Variants in STMN1 observed in about 807,000 individuals in gnomAD.
The protein encoded by STMN1 is stathmin 1, also known as stathmin.
In STMN1, 3 loss-of-function variants were observed where a neutral mutation model predicts 19.7. The observed-to-expected ratio is 0.15, with a 90% CI of 0.07 to 0.39. The LOEUF (loss-of-function observed/expected upper bound fraction) is 0.39, where lower values mean the gene tolerates loss of function less well. STMN1 is among the 10% of genes least tolerant of loss of function. The pLI is 1.00. For missense variants in STMN1, 99 were observed against 176.0 expected, an observed-to-expected ratio of 0.56 and a Z score of 2.48; for synonymous variants, 59 against 58.9, an observed-to-expected ratio of 1.00 and a Z score of -0.01.
chr1:25,901,266 C>A lies in STMN1; in HGVS notation c.379-179G>T, dbSNP rs564519487. On this transcript the variant is annotated intron_variant, in intron 4 of 4. Transcript: ENST00000455785. ...ACATCATCATCAAATCTCCTGGGTC[C>A]CTTGTAGAACCTAACAAGCTGCCTA... 4 of 1,242,142 alleles carry A rather than the reference C, an allele frequency of 3.2e-6. No individual in the cohort carries two copies. The East Asian group carries it at 1.0e-4, about 32-fold the overall frequency. The allele number at this position is 1,242,142 out of a possible 1,614,324, so 76.9% of individuals were successfully genotyped here.
intron 4 of STMN1, chr1:25,886,015 C>T: frequency 8.5e-7 from 1 of 1,181,632 alleles, no homozygotes; most frequent in South Asian, 2.0e-5. Context: ...AAAATACTGA[C>T]ACCTGGCCCC....
At chr1:25,904,764 A>T in intron 1 of STMN1, 26 bp from the exon 2 acceptor site, 1 of 1,582,256 alleles carries the variant, frequency 6.3e-7, no homozygotes, top group Non-Finnish European at 8.6e-7. Context: ...AAAAACATGC[A>T]ATCACTTTCT....
At chr1:25,886,278 G>GA (rs1392265440) in intron 4 of STMN1, among the ~76,000 whole-genome samples, 1 of 151,898 alleles carries the variant, frequency 6.6e-6, no homozygotes, top group Non-Finnish European at 1.5e-5. Context: ...GGAATGGAAG[G>GA]AAAAAAAGAA....
downstream of STMN1, among the ~76,000 whole-genome samples, chr1:25,896,710 C>A (rs914516742): frequency 2.0e-5 from 3 of 152,178 alleles, no homozygotes; most frequent in South Asian, 6.2e-4. Context: ...AGTGCATGTA[C>A]GAAACAAGTC....
rs1481952065 is a variant in STMN1, at chr1:25,900,713, C to G, written c.*303G>C. The G allele has an allele frequency of 9.0e-7, 1 of 1,113,096 alleles. No individual in the cohort carries two copies. The highest frequency in any genetic ancestry group is 1.6e-5 in the African/African-American group (1 of 61,252). The allele number at this position is 1,113,096 out of a possible 1,614,324, so 69.0% of individuals were successfully genotyped here. ...CATACTCTTTTCACAAATATGTTTT[C>G]ACAGAGCCAATACAGTACTAGCCAT... On this transcript the variant is annotated 3_prime_UTR_variant, in exon 5 of 5. Coordinates refer to ENST00000455785, the MANE Select transcript of STMN1 (RefSeq NM_005563.4).
rs2048872922 is a variant in STMN1 at position 25,901,437 on chromosome 1, C to T, written c.378+54G>A. ...TATCAAAGCACTTAGTTCAAGCCAA[C>T]TCATTGGTGCATCAAACTCCAAGCT... On this transcript the variant is annotated intron_variant, in intron 4 of 4. Transcript: ENST00000455785. 6 of 1,546,698 alleles carry T rather than the reference C, an allele frequency of 3.9e-6. No homozygotes were observed. In the Admixed American group the frequency reaches 6.2e-5, roughly 16 times the overall value.
intron 4 of STMN1, 28 bp from the exon 5 acceptor site, chr1:25,901,115 GTCA>G: frequency 3.6e-6 from 3 of 836,188 alleles, no homozygotes; most frequent in South Asian, 2.5e-5. Context: ...GGTGTCATCA[GTCA>G]AAAAAAAAAA....
At chr1:25,898,376 C>T (rs535153555), downstream of STMN1, among the ~76,000 whole-genome samples, 11 of 152,354 alleles carry the variant, frequency 7.2e-5, no homozygotes, top group South Asian at 2.3e-3. Flanking sequence ...TCACTCCTTT[C>T]ACCAAAGCAC....
At chr1:25,889,064 C>T (rs1458621674) in intron 4 of STMN1, 2 of 490,994 alleles carry the variant, frequency 4.1e-6, no homozygotes, top group African/African-American at 2.0e-5. Flanking sequence ...AAATCAGGTA[C>T]AACTCCAAAA....
rs2048875286 is a variant in STMN1 at position 25,901,603 on chromosome 1, T to C, written c.266A>G (p.Glu89Gly). The change falls in exon 4 of 5, where the codon GAG becomes GGG. Residue 89 changes from glutamate to glycine, a missense_variant. Physicochemically the swap from Glu to Gly is moderately conservative, Grantham distance 98. This residue lies in a region of STMN1 where 54 missense variants were observed against 79.4 expected (regional missense o/e 0.68). Coordinates refer to ENST00000455785, the MANE Select transcript of STMN1 (RefSeq NM_005563.4). ...TGCCATTTTACTGAAGTTGTTGTTC[T>C]CTTCTATTGCCTTCTGAAGCACTTC... is the stretch of plus-strand genomic sequence containing the variant. ...EKEVLQKAIE[E>G]NNNFSKMAEE... The C allele has an allele frequency of 6.2e-7, 1 of 1,614,206 alleles. No homozygotes were observed. Among genetic ancestry groups the C allele is most frequent in the Non-Finnish European group, 8.5e-7 (1 of 1,180,022 alleles).
In STMN1 at chr1:25,894,829, C is replaced by T. The variant is rs1013980352; in HGVS notation, c.378+6662G>A. The stretch of plus-strand genomic sequence containing the variant: ...TCAAGTGATCCTCCCTCCTCGGCCT[C>T]CCAAAGTGCTGGGATTACAGGTGTG... On this transcript the variant is annotated intron_variant, in intron 4 of 4. Coordinates refer to the STMN1 transcript ENST00000426559. Among the ~76,000 whole-genome samples the T allele has an allele frequency of 2.6e-5, 4 of 152,326 alleles. 1 individual carries two copies. In the South Asian group the frequency reaches 8.3e-4, roughly 32 times the overall value.
At chr1:25,906,523 C>G (rs954984265), upstream of STMN1, 8 of 152,846 alleles carry the variant, frequency 5.2e-5, no homozygotes, top group Non-Finnish European at 8.8e-5. The surrounding 1 kb of genome is among the most constrained non-coding windows in gnomAD (Gnocchi z 4.5). Flanking sequence ...GCCGCCCCCG[C>G]CCCCCACAAC....
intron 4 of STMN1, 40 bp from the exon 5 acceptor site, chr1:25,901,127 A>G: frequency 6.3e-7 from 1 of 1,575,860 alleles, no homozygotes; most frequent in Non-Finnish European, 8.6e-7. Context: ...CAAAAAAAAA[A>G]AAAAAAAAAA....
Position 25,901,009 on chromosome 1 carries a change from G to A in STMN1, c.*7C>T, listed in dbSNP as rs3209833. On this transcript the variant is annotated 3_prime_UTR_variant, in exon 5 of 5. Transcript: ENST00000455785. The stretch of plus-strand genomic sequence containing the variant: ...GGGATGGGGAGAAAGTCAGTTCTCA[G>A]AACAAATTAGTCAGCTTCAGTCTCG... 6.2e-7 allele frequency: 1 copy of A among 1,603,892 alleles called. No individual in the cohort carries two copies. The highest frequency in any genetic ancestry group is 8.5e-7 in the Non-Finnish European group (1 of 1,175,492).
intron 4 of STMN1, among the ~76,000 whole-genome samples, chr1:25,891,974 G>A (rs989323032): frequency 7.2e-5 from 11 of 152,150 alleles, no homozygotes; most frequent in Non-Finnish European, 1.5e-4. Context: ...TGAGGGTATG[G>A]GTGCCCAAGC....
chr1:25,892,796 C>T (rs59725484), intron 4 of STMN1, among the ~76,000 whole-genome samples: 3,651 of 152,228 alleles, frequency 0.024, 140 homozygotes, highest in African/African-American at 0.084. Flanking sequence ...TTTTCTAGCC[C>T]GGGTGGGAGC....
downstream of STMN1, among the ~76,000 whole-genome samples, chr1:25,896,816 C>T (rs953809500): frequency 9.2e-5 from 14 of 152,050 alleles, no homozygotes; most frequent in Admixed American, 7.9e-4. Flanking sequence ...TTCACCTGGG[C>T]AAAAAGGGAG....
chr1:25,887,898 G>A (rs1397239851), intron 4 of STMN1, among the ~76,000 whole-genome samples: 1 of 152,194 alleles, frequency 6.6e-6, no homozygotes, highest in Non-Finnish European at 1.5e-5. Flanking sequence ...TTTTGGCCAG[G>A]ATGGTCTCGA....
downstream of STMN1, chr1:25,885,269 C>CT (rs2048712483): frequency 6.5e-6 from 1 of 154,152 alleles, no homozygotes; most frequent in Non-Finnish European, 1.5e-5. Context: ...CACTCTCTAG[C>CT]TGATCCCTGT....
Sources: gnomAD v4.1 joint callset for allele counts (sites outside exome capture counted in the v4.1 genomes callset) on GRCh38, gnomAD v4.1.1 for gene constraint, gnomAD v4.1.1 regional missense constraint, Gnocchi (gnomAD v3.1) non-coding constraint, MANE v1.5 for transcripts, NCBI Gene and HGNC (gene_info 2026-07-23, HGNC 2026-07-21) for gene names.